The following ERGIC1 variants were observed in gnomAD, a reference collection of about 807,000 sequenced individuals.
ERGIC1 encodes the protein endoplasmic reticulum-Golgi intermediate compartment protein 1.
In ERGIC1, 19 loss-of-function variants were observed where a neutral mutation model predicts 38.3. That is an observed-to-expected ratio of 0.50 (90% CI 0.35 to 0.73). The LOEUF (loss-of-function observed/expected upper bound fraction) is 0.73, where lower values mean the gene tolerates loss of function less well. Among genes scored for constraint, ERGIC1 ranks in the 30% least tolerant of loss-of-function variants. ERGIC1 has a pLI of 0.01. For synonymous variants in ERGIC1, 124 were observed against 157.6 expected (o/e 0.79, Z 1.60); for missense variants, 294 against 389.2 (o/e 0.76, Z 2.06).
chr5:172,879,900 G>A (rs1298521638), intron 1 of ERGIC1, among the ~76,000 whole-genome samples: 1 of 152,200 alleles, frequency 6.6e-6, no homozygotes, highest in Non-Finnish European at 1.5e-5. Flanking sequence ...CCTATGAGAT[G>A]TCAGTAGCAC....
At chr5:172,922,406 G>T in intron 5 of ERGIC1, 1 of 152,664 alleles carries the variant, frequency 6.6e-6, no homozygotes. Context: ...ACATGCTAAT[G>T]GGAGGAGGCA....
intron 1 of ERGIC1, among the ~76,000 whole-genome samples, chr5:172,871,724 T>C (rs1010013086): frequency 6.6e-6 from 1 of 152,154 alleles, no homozygotes; most frequent in Admixed American, 6.5e-5. Context: ...CAAGCTGGAA[T>C]AGCAGTGGTC....
At chr5:172,943,579 A>G (rs1764057590) in intron 9 of ERGIC1, among the ~76,000 whole-genome samples, 1 of 152,150 alleles carries the variant, frequency 6.6e-6, no homozygotes, top group South Asian at 2.1e-4. Context: ...CTGGGCACTT[A>G]GGGTACAGCA....
In ERGIC1 at chr5:172,893,887, A is replaced by G. The variant is rs1407948625; in HGVS notation, c.83-3115A>G. Among the ~76,000 whole-genome samples the G allele has an allele frequency of 5.3e-3, 75 of 14,098 alleles. 3 individuals carry two copies. The highest frequency in any genetic ancestry group is 0.014 in the South Asian group (4 of 294). The allele number at this position is 14,098 out of a possible 152,430, so 9.2% of individuals were successfully genotyped here. ...TAGGGGGATATATATATATATATAT[A>G]TATATATATATATATATATGTGTGT... is the stretch of plus-strand genomic sequence containing the variant. On this transcript the variant is annotated intron_variant, in intron 2 of 9. Coordinates refer to ENST00000393784, the MANE Select transcript of ERGIC1 (RefSeq NM_001031711.3).
chr5:172,837,459 T>A lies in ERGIC1; in HGVS notation c.20+3026T>A, dbSNP rs145501134. ...CATGCTGCTTCTCTCTCCCTCCCAT[T>A]AGTACATGAGCTCCTGAGGGCAAGA... is the stretch of plus-strand genomic sequence containing the variant. On this transcript the variant is annotated intron_variant, in intron 1 of 9. Transcript: ENST00000393784. This position sits in a 1 kb window ranked among gnomAD's most constrained non-coding sequence, Gnocchi z 4.3. 2.6e-3 allele frequency among the ~76,000 whole-genome samples: 398 copies of A among 152,304 alleles called. 2 individuals are homozygous for A. Among genetic ancestry groups the A allele is most frequent in the Admixed American group, 5.8e-3 (89 of 15,298 alleles).
At chr5:172,874,382 G>C (rs1762092863) in intron 1 of ERGIC1, among the ~76,000 whole-genome samples, 1 of 152,150 alleles carries the variant, frequency 6.6e-6, no homozygotes, top group South Asian at 2.1e-4. Context: ...TGCCTGGCTG[G>C]AATCTAAGTG....
chr5:172,893,927 G>GTATATATA (rs1354479966), intron 2 of ERGIC1, among the ~76,000 whole-genome samples: 23 of 56,566 alleles, frequency 4.1e-4, no homozygotes, highest in Non-Finnish European at 6.9e-4. Flanking sequence ...GTGTGTGTGT[G>GTATATATA]TGTGTGTGTA....
At chr5:172,899,206 A>G (rs1762808145) in intron 3 of ERGIC1, among the ~76,000 whole-genome samples, 1 of 152,022 alleles carries the variant, frequency 6.6e-6, no homozygotes. Flanking sequence ...GAAGAAGGCC[A>G]ATCAGCCAGG....
intron 6 of ERGIC1, among the ~76,000 whole-genome samples, chr5:172,924,650 T>TGGAGG (rs2113453355): frequency 6.6e-6 from 1 of 151,856 alleles, no homozygotes; most frequent in South Asian, 2.1e-4. Flanking sequence ...CCGAGGCAGG[T>TGGAGG]GGAGGGGAGA....
chr5:172,894,561 G>A (rs10476055), intron 2 of ERGIC1, among the ~76,000 whole-genome samples: 6 of 152,172 alleles, frequency 3.9e-5, no homozygotes, highest in Admixed American at 3.9e-4. Flanking sequence ...GGTGGTTGGA[G>A]AGACTCAGTG....
At chr5:172,924,826 G>T (rs6889719) in intron 6 of ERGIC1, among the ~76,000 whole-genome samples, 61,257 of 151,974 alleles carry the variant, frequency 0.4, 12,877 homozygotes, top group African/African-American at 0.49. Context: ...CATCCATCTA[G>T]TCAACAAATA....
At chr5:172,929,999 A>G (rs931551321) in intron 7 of ERGIC1, among the ~76,000 whole-genome samples, 3 of 152,096 alleles carry the variant, frequency 2.0e-5, no homozygotes, top group Admixed American at 1.3e-4. Flanking sequence ...CAGCCTGGCC[A>G]AGATGGTGAA....
chr5:172,843,878 ACTTT>A (rs1761221531), intron 1 of ERGIC1, among the ~76,000 whole-genome samples: 1 of 152,118 alleles, frequency 6.6e-6, no homozygotes, highest in Admixed American at 6.5e-5. Flanking sequence ...GGGTGCTCAT[ACTTT>A]CTTTGCGGGG....
intron 9 of ERGIC1, among the ~76,000 whole-genome samples, chr5:172,949,222 G>A (rs1168888533): frequency 2.0e-5 from 3 of 152,202 alleles, no homozygotes; most frequent in African/African-American, 7.2e-5. Flanking sequence ...GCAAAGCTTT[G>A]TGATTCAATC....
chr5:172,863,166 C>G (rs1327912586), intron 1 of ERGIC1, among the ~76,000 whole-genome samples: 1 of 152,118 alleles, frequency 6.6e-6, no homozygotes, highest in African/African-American at 2.4e-5. Flanking sequence ...GGCCAGGCTG[C>G]TGTCGAACTC....
At chr5:172,892,300 G>T (rs1461096092) in intron 2 of ERGIC1, among the ~76,000 whole-genome samples, 2 of 152,170 alleles carry the variant, frequency 1.3e-5, no homozygotes, top group Non-Finnish European at 2.9e-5. Flanking sequence ...CTGATGAACG[G>T]GGCTTCCATC....
intron 5 of ERGIC1, among the ~76,000 whole-genome samples, chr5:172,919,880 CT>C (rs538043700): frequency 2.4e-4 from 37 of 152,302 alleles, no homozygotes; most frequent in African/African-American, 7.9e-4. Flanking sequence ...TCACACCAGC[CT>C]TTCTTAGACC....
At chr5:172,886,623 C>A (rs1476774878) in intron 1 of ERGIC1, among the ~76,000 whole-genome samples, 1 of 152,212 alleles carries the variant, frequency 6.6e-6, no homozygotes, top group Non-Finnish European at 1.5e-5. Context: ...ATAGTAACCA[C>A]AAATATCCAC....
At chr5:172,939,922 C>T (rs1763972881) in intron 9 of ERGIC1, among the ~76,000 whole-genome samples, 1 of 152,240 alleles carries the variant, frequency 6.6e-6, no homozygotes, top group Non-Finnish European at 1.5e-5. Context: ...GGGGTGGGGC[C>T]AGGATGGAAG....
Sources: gnomAD v4.1 joint callset for allele counts (sites outside exome capture counted in the v4.1 genomes callset) on GRCh38, gnomAD v4.1.1 for gene constraint, Gnocchi (gnomAD v3.1) non-coding constraint, MANE v1.5 for transcripts, NCBI Gene and HGNC (gene_info 2026-07-23, HGNC 2026-07-21) for gene names.